The following ATP7B variants were observed in gnomAD, a reference collection of about 807,000 sequenced individuals.
ATP7B encodes the protein copper-transporting ATPase 2.
A neutral mutation model predicts 118.9 loss-of-function variants in ATP7B; 113 were observed. The ratio of observed to expected loss-of-function variants is 0.95; its 90% CI spans 0.82 to 1.11. ATP7B has a LOEUF of 1.11. Among genes scored for constraint, ATP7B ranks in the 50% most tolerant of loss-of-function variants. The pLI is 0.00. For missense variants in ATP7B, 1,867 were observed against 1,871.4 expected (o/e 1.00, Z 0.04); for synonymous variants, 777 against 727.4 (o/e 1.07, Z -1.10).
chr13:51,945,106 T>C (rs1477398428), intron 13 of ATP7B, among the ~76,000 whole-genome samples: 4 of 152,074 alleles, frequency 2.6e-5, no homozygotes, highest in South Asian at 2.1e-4. Context: ...ACTTAACTCA[T>C]CTTCCTCCAG....
intron 1 of ATP7B, among the ~76,000 whole-genome samples, chr13:52,010,826 A>G (rs1953990295): frequency 6.6e-6 from 1 of 152,242 alleles, no homozygotes; most frequent in African/African-American, 2.4e-5. Flanking sequence ...TGTGCAAAAT[A>G]TTTCTGTGCT....
intron 1 of ATP7B, 61 bp downstream of exon 1, chr13:52,011,226 G>A (rs981941143): frequency 1.5e-5 from 24 of 1,613,396 alleles, no homozygotes; most frequent in Non-Finnish European, 2.0e-5. Context: ...CCGAACGCGG[G>A]GAGGAAAATC....
At position 51,974,690 on chromosome 13, in the gene ATP7B, GA is replaced by G; in HGVS notation, c.529del (p.Ser177HisfsTer25). 6.2e-7 allele frequency: 1 copy of G among 1,611,624 alleles called. No homozygotes were observed. Among genetic ancestry groups the G allele is most frequent in the Non-Finnish European group, 8.5e-7 (1 of 1,177,898 alleles). On this transcript the variant is annotated frameshift_variant, in exon 2 of 21. Transcript: ENST00000242839. LOFTEE classifies it high-confidence loss of function. ...GATGACGGCCTCTTGGTTGCTGAGT[GA>G]GACTTTGACTCTCACTACTCCTTGC... is the stretch of plus-strand genomic sequence containing the variant. Reference protein sequence around the residue: ...KLQGVVRVKVSLSNQEAVITY... With the variant: ...KLQGVVRVKVXLSNQEAVITY...
In ATP7B at chr13:51,958,301, C is replaced by G. The variant is rs899078988; in HGVS notation, c.2355+10G>C. 1.9e-6 allele frequency: 3 copies of G among 1,613,678 alleles called. No individual in the cohort carries two copies. The highest frequency in any genetic ancestry group is 2.7e-5 in the African/African-American group (2 of 74,914). On this transcript the variant is annotated intron_variant, in intron 8 of 20. Transcript: ENST00000242839. ...GAGCAGCTCTTTTCTGAACCTGAAG[C>G]TGCTGTTACCTTTGCCAAGTGTTCC...
rs192229150 is a variant in ATP7B at position 51,984,142 on chromosome 13, C to A, written c.52-8974G>T. Among the ~76,000 whole-genome samples, 554 of 151,714 alleles carry A rather than the reference C, an allele frequency of 3.7e-3. 2 individuals carry two copies. The highest frequency in any genetic ancestry group is 0.013 in the African/African-American group (540 of 41,374). ...CGAGCTAAAGTAGCATGTTCTAACC[C>A]AAGGCAAGGAAGCTAAGAACCCTGA... On this transcript the variant is annotated intron_variant, in intron 1 of 20. Coordinates refer to ENST00000242839, the MANE Select transcript of ATP7B (RefSeq NM_000053.4).
chr13:51,934,586 A>G lies in ATP7B; in HGVS notation c.*170T>C. The G allele has an allele frequency of 9.0e-7, 1 of 1,114,088 alleles. No individual in the cohort carries two copies. Among genetic ancestry groups the G allele is most frequent in the Non-Finnish European group, 1.3e-6 (1 of 775,986 alleles). 69.0% of individuals were successfully genotyped at this position (1,114,088 alleles called of 1,614,324 possible). A position where few individuals can be genotyped will look rare whatever the true frequency, so the allele number is the denominator to read the frequency against. On this transcript the variant is annotated 3_prime_UTR_variant, in exon 21 of 21. Coordinates refer to ENST00000242839, the MANE Select transcript of ATP7B (RefSeq NM_000053.4). ...GGGCCGTCCTCTCCAGGCCAAGCCC[A>G]GCTGCACCCAGACAAGGCCGCGTGC...
intron 6 of ATP7B, 40 bp from the exon 7 acceptor site, chr13:51,960,362 G>A: frequency 1.9e-6 from 3 of 1,599,904 alleles, no homozygotes; most frequent in South Asian, 1.1e-5. Flanking sequence ...ATCAGATGCT[G>A]CTTGTCACCT....
chr13:51,938,587 G>A (rs936923861), intron 17 of ATP7B, among the ~76,000 whole-genome samples: 3 of 152,196 alleles, frequency 2.0e-5, no homozygotes, highest in African/African-American at 7.2e-5. Context: ...AGCCGCTGCT[G>A]TGTGAGAAGT....
intron 1 of ATP7B, among the ~76,000 whole-genome samples, chr13:52,009,930 A>G (rs78734658): frequency 0.031 from 4,782 of 152,322 alleles, 101 homozygotes; most frequent in Non-Finnish European, 0.047. Flanking sequence ...ATAGAGGGAT[A>G]TGAGTGCCTA....
chr13:51,965,869 T>C (rs1412549471), intron 4 of ATP7B, among the ~76,000 whole-genome samples: 2 of 152,164 alleles, frequency 1.3e-5, no homozygotes, highest in African/African-American at 4.8e-5. Flanking sequence ...AGCTGCATGC[T>C]GAAATTCGCA....
rs9526808 is a variant in ATP7B at position 51,939,288 on chromosome 13, T to C, written c.3557-95A>G. 0.085 allele frequency: 132,772 copies of C among 1,559,612 alleles called. 6,738 individuals are homozygous for C. Among genetic ancestry groups the C allele is most frequent in the Non-Finnish European group, 0.1 (119,172 of 1,150,284 alleles). On this transcript the variant is annotated intron_variant, in intron 16 of 20. Transcript: ENST00000242839. The stretch of plus-strand genomic sequence containing the variant: ...AATGTTCTCATCATATAATATTATG[T>C]GCAAAAAACAAAACATCAAATTATA...
chr13:51,954,870 G>A (rs567236971), intron 9 of ATP7B, among the ~76,000 whole-genome samples: 9 of 152,318 alleles, frequency 5.9e-5, no homozygotes, highest in Non-Finnish European at 1.2e-4. Flanking sequence ...AACCAAAGAC[G>A]TGGGAGAGTG....
intron 13 of ATP7B, 139 bp from the exon 14 acceptor site, chr13:51,944,430 G>A (rs1957530047): frequency 2.3e-5 from 25 of 1,107,526 alleles, no homozygotes; most frequent in Non-Finnish European, 3.0e-5. Flanking sequence ...GTGATCCTCT[G>A]TCGTTCAATC....
intron 1 of ATP7B, among the ~76,000 whole-genome samples, chr13:52,005,295 T>C (rs141672107): frequency 0.017 from 2,581 of 152,342 alleles, 30 homozygotes; most frequent in Non-Finnish European, 0.028. Context: ...TCTTCTTGCA[T>C]TTTCTTATAA....
At chr13:52,001,641 T>A (rs1422077796) in intron 1 of ATP7B, among the ~76,000 whole-genome samples, 1 of 152,198 alleles carries the variant, frequency 6.6e-6, no homozygotes, top group Non-Finnish European at 1.5e-5. Context: ...CATCTAAATT[T>A]CATACACTCC....
At chr13:51,966,364 C>CT (rs1208316313) in intron 4 of ATP7B, among the ~76,000 whole-genome samples, 5 of 152,230 alleles carry the variant, frequency 3.3e-5, no homozygotes, top group African/African-American at 9.7e-5. Flanking sequence ...TGAGGTGAGT[C>CT]TTCTCAGACC....
chr13:51,962,270 C>T (rs1054201149), intron 5 of ATP7B, among the ~76,000 whole-genome samples: 1 of 152,204 alleles, frequency 6.6e-6, no homozygotes, highest in East Asian at 1.9e-4. Flanking sequence ...TGCCCAAAGC[C>T]CCACCCTTCT....
At chr13:51,994,540 T>C (rs745401516) in intron 1 of ATP7B, among the ~76,000 whole-genome samples, 2 of 152,264 alleles carry the variant, frequency 1.3e-5, no homozygotes, top group East Asian at 3.8e-4. Flanking sequence ...GTTAAAAACC[T>C]GATAGCAAAA....
At chr13:51,999,361 G>A (rs1593862937) in intron 1 of ATP7B, among the ~76,000 whole-genome samples, 1 of 152,132 alleles carries the variant, frequency 6.6e-6, no homozygotes, top group African/African-American at 2.4e-5. Context: ...CTCCAAGACT[G>A]AAACAACTAG....
Sources: allele counts gnomAD v4.1 joint callset (sites outside exome capture counted in the v4.1 genomes callset), GRCh38; gene constraint gnomAD v4.1.1; transcripts MANE v1.5; gene names NCBI Gene and HGNC (gene_info 2026-07-23, HGNC 2026-07-21).